The following DYNC2H1 variants were observed in gnomAD, a reference collection of about 807,000 sequenced individuals.
The protein encoded by DYNC2H1 is dynein cytoplasmic 2 heavy chain 1, also known as cytoplasmic dynein 2 heavy chain 1.
A neutral mutation model predicts 570.0 loss-of-function variants in DYNC2H1; 410 were observed. That is an observed-to-expected ratio of 0.72 (90% CI 0.66 to 0.78). The LOEUF (loss-of-function observed/expected upper bound fraction) is 0.78. Ranked by LOEUF, DYNC2H1 falls within the 30% of genes least tolerant of loss-of-function variation. The pLI is 0.00. For missense variants in DYNC2H1, 4,865 were observed against 5,046.4 expected (o/e 0.96, Z 1.09); for synonymous variants, 1,688 against 1,677.6 (o/e 1.01, Z -0.15).
intron 82 of DYNC2H1, among the ~76,000 whole-genome samples, chr11:103,330,328 C>T (rs570642912): frequency 6.6e-6 from 1 of 151,926 alleles, no homozygotes; most frequent in Non-Finnish European, 1.5e-5. Context: ...TTTGTGCAAT[C>T]AAGACAGTTT....
chr11:103,267,390 T>A (rs1865552218), intron 70 of DYNC2H1, among the ~76,000 whole-genome samples: 1 of 150,402 alleles, frequency 6.6e-6, no homozygotes, highest in Admixed American at 6.7e-5. Flanking sequence ...ACTCTGTATA[T>A]TTTCCTTGTA....
In DYNC2H1 at chr11:103,133,772, A is replaced by G. The variant is rs1292622807; in HGVS notation, c.2106+65A>G. On this transcript the variant is annotated intron_variant, in intron 14 of 88. Coordinates refer to ENST00000375735, the MANE Select transcript of DYNC2H1 (RefSeq NM_001377.3). This position sits in a 1 kb window ranked among gnomAD's most constrained non-coding sequence, Gnocchi z 4.8. Reference sequence around the variant, plus strand: ...ATTATTTAAAAAGTCATTAAGATACAATTTTTAAAAACTTATTTTGAAATA... The same window carrying G: ...ATTATTTAAAAAGTCATTAAGATACGATTTTTAAAAACTTATTTTGAAATA... 4.2e-6 allele frequency: 6 copies of G among 1,426,506 alleles called. No individual in the cohort carries two copies. The highest frequency in any genetic ancestry group is 1.4e-5 in the South Asian group (1 of 70,142). 88.4% of individuals were successfully genotyped at this position (1,426,506 alleles called of 1,614,324 possible).
Position 103,139,585 on chromosome 11 carries a change from T to G in DYNC2H1, c.2574+3637T>G, listed in dbSNP as rs1170648796. Among the ~76,000 whole-genome samples the G allele has an allele frequency of 8.7e-3, 1,327 of 151,798 alleles. 10 individuals carry two copies. The highest frequency in any genetic ancestry group is 0.03 in the African/African-American group (1,234 of 41,454). On this transcript the variant is annotated intron_variant, in intron 17 of 88. Transcript: ENST00000375735. ...TTGCACTGTGGTCTGAGAGACAGTT[T>G]GTTATAATTTCTGTTCTTTTACATT... is the stretch of plus-strand genomic sequence containing the variant.
intron 84 of DYNC2H1, chr11:103,405,944 C>A (rs544205897): frequency 1.3e-5 from 2 of 151,966 alleles, no homozygotes; most frequent in Admixed American, 1.3e-4. Flanking sequence ...TGTTGAATTG[C>A]GAATTCAAAG....
At chr11:103,234,239 G>C (rs368646118) in intron 61 of DYNC2H1, 79 bp downstream of exon 61, 195 of 1,445,044 alleles carry the variant, frequency 1.3e-4, no homozygotes, top group Non-Finnish European at 1.0e-4. Flanking sequence ...TTAAGAAAAA[G>C]GAGAGAAAGA....
intron 80 of DYNC2H1, 146 bp from the exon 81 acceptor site, chr11:103,320,883 A>C: frequency 1.5e-6 from 1 of 661,420 alleles, no homozygotes. Flanking sequence ...AAAAAATCTC[A>C]AATATTTACT....
At chr11:103,230,438 T>C (rs1484565729) in intron 59 of DYNC2H1, among the ~76,000 whole-genome samples, 1 of 152,162 alleles carries the variant, frequency 6.6e-6, no homozygotes, top group African/African-American at 2.4e-5. Context: ...AGAATCTTTT[T>C]ATCTTTCACC....
chr11:103,157,183 T>C lies in DYNC2H1; in HGVS notation c.4127+413T>C, dbSNP rs572080160. Among the ~76,000 whole-genome samples, 2 of 152,322 alleles carry C rather than the reference T, an allele frequency of 1.3e-5. No individual in the cohort carries two copies. Among genetic ancestry groups the C allele is most frequent in the African/African-American group, 4.8e-5 (2 of 41,588 alleles). On this transcript the variant is annotated intron_variant, in intron 26 of 88. Coordinates refer to ENST00000375735, the MANE Select transcript of DYNC2H1 (RefSeq NM_001377.3). The surrounding 1 kb of genome is among the most constrained non-coding windows in gnomAD (Gnocchi z 4.2). ...CTGACTGTCTCTCTAGTTCAACACATAGTTCCTAGTCCTTAGCTGTCTCCA... is the reference window on the plus strand; with the variant it reads ...CTGACTGTCTCTCTAGTTCAACACACAGTTCCTAGTCCTTAGCTGTCTCCA...
At chr11:103,174,603 T>G (rs1051720004) in intron 36 of DYNC2H1, among the ~76,000 whole-genome samples, 1 of 152,144 alleles carries the variant, frequency 6.6e-6, no homozygotes, top group Non-Finnish European at 1.5e-5. Context: ...TGTCTTGTCT[T>G]GAAACAAGAA....
intron 82 of DYNC2H1, among the ~76,000 whole-genome samples, chr11:103,331,461 T>G (rs1445932255): frequency 2.6e-5 from 4 of 152,138 alleles, no homozygotes; most frequent in Admixed American, 1.3e-4. Context: ...AAAGTTATCT[T>G]CAGAGGAATT....
Position 103,223,102 on chromosome 11 carries a change from A to G in DYNC2H1, c.9353+16A>G. The G allele has an allele frequency of 1.3e-6, 2 of 1,575,634 alleles. No individual in the cohort carries two copies. Among genetic ancestry groups the G allele is most frequent in the Non-Finnish European group, 1.7e-6 (2 of 1,160,068 alleles). ...GATTAGAATCGTAAGTGAAATATAA[A>G]ATATAAACAATTCTAACCTTTATTT... On this transcript the variant is annotated intron_variant, in intron 59 of 88. Coordinates refer to ENST00000375735, the MANE Select transcript of DYNC2H1 (RefSeq NM_001377.3).
chr11:103,146,745 G>A (rs1015510109), intron 18 of DYNC2H1, among the ~76,000 whole-genome samples: 3 of 152,100 alleles, frequency 2.0e-5, no homozygotes, highest in African/African-American at 7.2e-5. Context: ...TGGGATTACA[G>A]GCGTGCGCCA....
rs1438246706 is a variant in DYNC2H1, at chr11:103,461,274, T to C, written c.12648+4918T>C. Among the ~76,000 whole-genome samples, 1 of 152,004 alleles carries C rather than the reference T, an allele frequency of 6.6e-6. No individual in the cohort carries two copies. The highest frequency in any genetic ancestry group is 2.4e-5 in the African/African-American group (1 of 41,402). ...GAGAAATTTGGATTTGAATTATACTTGAATTTTACTATCACTATAATTTTA... is the reference window on the plus strand; with the variant it reads ...GAGAAATTTGGATTTGAATTATACTCGAATTTTACTATCACTATAATTTTA... On this transcript the variant is annotated intron_variant, in intron 87 of 88. Coordinates refer to ENST00000375735, the MANE Select transcript of DYNC2H1 (RefSeq NM_001377.3). The surrounding 1 kb of genome is among the most constrained non-coding windows in gnomAD (Gnocchi z 4.8).
At chr11:103,410,199 A>G (rs1048338349) in intron 84 of DYNC2H1, among the ~76,000 whole-genome samples, 1 of 152,072 alleles carries the variant, frequency 6.6e-6, no homozygotes, top group Non-Finnish European at 1.5e-5. Context: ...TTTCTAGAAT[A>G]GTATTTGGAA....
At chr11:103,412,852 A>G (rs1565576876) in intron 84 of DYNC2H1, among the ~76,000 whole-genome samples, 1 of 152,162 alleles carries the variant, frequency 6.6e-6, no homozygotes, top group Non-Finnish European at 1.5e-5. Context: ...TATGAAGTTA[A>G]TATCTTCTTT....
rs1351372311 is a variant in DYNC2H1, at chr11:103,244,515, TTAA to T, written c.9918+729_9919-729del. On this transcript the variant is annotated intron_variant, in intron 64 of 88. Coordinates refer to ENST00000375735, the MANE Select transcript of DYNC2H1 (RefSeq NM_001377.3). This position sits in a 1 kb window ranked among gnomAD's most constrained non-coding sequence, Gnocchi z 4.3. ...TAAATTAAATAATATATAAAATACT[TTAA>T]TAATCATTTATGGCTTGCATATATG... 3.8e-4 allele frequency among the ~76,000 whole-genome samples: 57 copies of T among 149,634 alleles called. No homozygotes were observed. Among genetic ancestry groups the T allele is most frequent in the African/African-American group, 8.3e-4 (34 of 41,202 alleles).
At chr11:103,168,335 A>G (rs942055385) in intron 31 of DYNC2H1, among the ~76,000 whole-genome samples, 1 of 152,120 alleles carries the variant, frequency 6.6e-6, no homozygotes, top group Admixed American at 6.5e-5. Context: ...AAGGGGGGAA[A>G]AATACAATGG....
intron 83 of DYNC2H1, among the ~76,000 whole-genome samples, chr11:103,368,439 T>TG (rs200101618): frequency 1.3e-4 from 20 of 151,654 alleles, no homozygotes; most frequent in African/African-American, 4.9e-4. Context: ...GAATCACATT[T>TG]GGGTTTTTTT....
At chr11:103,269,270 G>A (rs746461013) in intron 70 of DYNC2H1, among the ~76,000 whole-genome samples, 6 of 152,064 alleles carry the variant, frequency 3.9e-5, no homozygotes, top group Admixed American at 6.5e-5. Context: ...ACATTCCATA[G>A]AGTTTCAGTG....
Sources: allele counts gnomAD v4.1 joint callset (sites outside exome capture counted in the v4.1 genomes callset), GRCh38; gene constraint gnomAD v4.1.1; non-coding constraint Gnocchi (gnomAD v3.1); transcripts MANE v1.5; gene names NCBI Gene and HGNC (gene_info 2026-07-23, HGNC 2026-07-21).